The following MICU2 variants were observed in gnomAD, a reference collection of about 807,000 sequenced individuals.
MICU2 encodes the protein mitochondrial calcium uptake 2, also known as calcium uptake protein 2, mitochondrial.
MICU2 carries 64 observed loss-of-function variants against 60.4 expected under a neutral mutation model. That is an observed-to-expected ratio of 1.06 (90% CI 0.87 to 1.31). MICU2 has a LOEUF of 1.31. MICU2 is among the 50% of genes most tolerant of loss of function. The probability of loss-of-function intolerance (pLI) is 0.00; values close to 1 mark genes in which losing one functional copy is unlikely to be tolerated. For synonymous variants in MICU2, 201 were observed against 175.0 expected, an observed-to-expected ratio of 1.15 and a Z score of -1.17; for missense variants, 569 against 531.0, an observed-to-expected ratio of 1.07 and a Z score of -0.70.
intron 1 of MICU2, among the ~76,000 whole-genome samples, chr13:21,599,153 A>G (rs988478058): frequency 1.1e-4 from 17 of 152,226 alleles, no homozygotes; most frequent in African/African-American, 3.6e-4. Context: ...GTCTTCCATG[A>G]AACTAGTCCC....
chr13:21,528,589 A>C (rs1441692276), intron 4 of MICU2, among the ~76,000 whole-genome samples: 4 of 152,156 alleles, frequency 2.6e-5, no homozygotes, highest in African/African-American at 9.7e-5. Context: ...TTAATAAACA[A>C]TTCTACTGTT....
chr13:21,508,770 C>T (rs1461475338), intron 8 of MICU2, among the ~76,000 whole-genome samples: 1 of 152,208 alleles, frequency 6.6e-6, no homozygotes, highest in African/African-American at 2.4e-5. Context: ...CCTGCCCAAA[C>T]CACTTTTGCC....
At chr13:21,566,430 T>C (rs1887983320) in intron 2 of MICU2, among the ~76,000 whole-genome samples, 1 of 152,214 alleles carries the variant, frequency 6.6e-6, no homozygotes, top group African/African-American at 2.4e-5. Flanking sequence ...TTCTCATTTT[T>C]TTCAGGATTT....
At chr13:21,587,874 A>T (rs1259602147) in intron 1 of MICU2, among the ~76,000 whole-genome samples, 1 of 152,236 alleles carries the variant, frequency 6.6e-6, no homozygotes, top group Non-Finnish European at 1.5e-5. Context: ...AGTAGATGAC[A>T]TTTCAGTGAA....
chr13:21,589,758 C>A (rs1373723056), intron 1 of MICU2, among the ~76,000 whole-genome samples: 1 of 149,450 alleles, frequency 6.7e-6, no homozygotes, highest in East Asian at 2.0e-4. Flanking sequence ...CTGTCATAAC[C>A]ATTTTTCCCA....
intron 1 of MICU2, among the ~76,000 whole-genome samples, chr13:21,567,151 A>C (rs1339750636): frequency 6.6e-6 from 1 of 152,256 alleles, no homozygotes; most frequent in East Asian, 1.9e-4. Flanking sequence ...GTGACATTCC[A>C]AAAAGGGAGA....
intron 1 of MICU2, among the ~76,000 whole-genome samples, chr13:21,591,455 T>C (rs552624231): frequency 2.0e-5 from 3 of 152,284 alleles, no homozygotes; most frequent in Non-Finnish European, 2.9e-5. Context: ...ACTGTCAGTA[T>C]TGGATAGATC....
intron 1 of MICU2, among the ~76,000 whole-genome samples, chr13:21,602,561 C>G (rs1002821890): frequency 5.3e-5 from 8 of 151,756 alleles, no homozygotes; most frequent in South Asian, 2.1e-4. Flanking sequence ...ACAAAAAAAC[C>G]AGGATGAATC....
At chr13:21,569,844 GC>G (rs1888068995) in intron 1 of MICU2, among the ~76,000 whole-genome samples, 1 of 151,096 alleles carries the variant, frequency 6.6e-6, no homozygotes, top group African/African-American at 2.4e-5. Flanking sequence ...AACACTTACG[GC>G]TTGTGAAAGT....
At chr13:21,575,271 C>T (rs764254713) in intron 1 of MICU2, among the ~76,000 whole-genome samples, 2 of 152,124 alleles carry the variant, frequency 1.3e-5, no homozygotes, top group Non-Finnish European at 2.9e-5. Context: ...CAAGCATCTT[C>T]TCTTTCAGTG....
At chr13:21,588,050 G>A (rs1033196876) in intron 1 of MICU2, among the ~76,000 whole-genome samples, 8 of 152,122 alleles carry the variant, frequency 5.3e-5, no homozygotes, top group African/African-American at 1.7e-4. Context: ...GTGTCAACCA[G>A]GAGTCTTGCC....
chr13:21,568,304 T>C (rs1398210635), intron 1 of MICU2, among the ~76,000 whole-genome samples: 1 of 152,170 alleles, frequency 6.6e-6, no homozygotes, highest in Admixed American at 6.5e-5. Context: ...CAGGCTTCCT[T>C]GAGCAGCTAG....
intron 1 of MICU2, among the ~76,000 whole-genome samples, chr13:21,582,433 AG>A (rs1888367200): frequency 6.6e-6 from 1 of 152,226 alleles, no homozygotes; most frequent in Non-Finnish European, 1.5e-5. Context: ...AGCCAACATA[AG>A]TAATTTTTAA....
chr13:21,593,571 C>CAAAAAAAA (rs71093338), intron 1 of MICU2, among the ~76,000 whole-genome samples: 768 of 62,964 alleles, frequency 0.012, 10 homozygotes, highest in Non-Finnish European at 0.014. Context: ...CAATCCTAAG[C>CAAAAAAAA]AAAAAAAAAA....
intron 4 of MICU2, among the ~76,000 whole-genome samples, chr13:21,535,171 T>G (rs1043779128): frequency 3.3e-5 from 5 of 152,192 alleles, no homozygotes; most frequent in Non-Finnish European, 7.3e-5. Flanking sequence ...TTTTACTCAT[T>G]TTTCTTGAAA....
At chr13:21,582,285 T>C (rs1359755019) in intron 1 of MICU2, among the ~76,000 whole-genome samples, 4 of 152,206 alleles carry the variant, frequency 2.6e-5, no homozygotes, top group Non-Finnish European at 5.9e-5. Flanking sequence ...CTCTATCTAC[T>C]GAAGATACAA....
chr13:21,521,360 T>A (rs1390544797), intron 5 of MICU2, 33 bp from the exon 6 acceptor site: 13 of 1,571,718 alleles, frequency 8.3e-6, no homozygotes, highest in Non-Finnish European at 1.1e-5. Context: ...TATTTAAATG[T>A]TGATGAAAAC....
chr13:21,595,033 C>A (rs1465381410), intron 1 of MICU2, among the ~76,000 whole-genome samples: 1 of 151,832 alleles, frequency 6.6e-6, no homozygotes. Context: ...CAACTAAAGA[C>A]AAAATTAGAA....
rs181579442 is a variant in MICU2 at position 21,499,528 on chromosome 13, T to A, written c.934-3368A>T. On this transcript the variant is annotated intron_variant, in intron 9 of 11. Transcript: ENST00000382374. ...GGGTTCACACCAATTCTCCTGCCTC[T>A]GCCTCCCGAGTAGCTGGGACTACAG... is the stretch of plus-strand genomic sequence containing the variant. 6.1e-4 allele frequency among the ~76,000 whole-genome samples: 93 copies of A among 151,566 alleles called. 1 individual carries two copies. The highest frequency in any genetic ancestry group is 1.3e-3 in the South Asian group (6 of 4,776).
Sources: gnomAD v4.1 joint callset for allele counts (sites outside exome capture counted in the v4.1 genomes callset) on GRCh38, gnomAD v4.1.1 for gene constraint, MANE v1.5 for transcripts, NCBI Gene and HGNC (gene_info 2026-07-23, HGNC 2026-07-21) for gene names.